DET1: variants seen among roughly 807,000 people sequenced by gnomAD.
The protein encoded by DET1 is DET1 partner of COP1 E3 ubiquitin ligase, also known as DET1 homolog.
A neutral mutation model predicts 43.7 loss-of-function variants in DET1; 22 were observed. The observed-to-expected ratio is 0.50, with a 90% confidence interval of 0.36 to 0.72. The LOEUF (loss-of-function observed/expected upper bound fraction) is 0.72, where lower values mean the gene tolerates loss of function less well. Ranked by LOEUF, DET1 falls within the 30% of genes least tolerant of loss-of-function variation. The probability of loss-of-function intolerance (pLI) is 0.00; values close to 1 mark genes in which losing one functional copy is unlikely to be tolerated. For missense variants in DET1, 713 were observed against 713.3 expected (o/e 1.00, Z 0.00); for synonymous variants, 315 against 266.2 (o/e 1.18, Z -1.79).
chr15:88,509,656 A>C (rs1220372226), downstream of DET1, among the ~76,000 whole-genome samples: 1 of 152,226 alleles, frequency 6.6e-6, no homozygotes, highest in Admixed American at 6.5e-5. Context: ...GGTGACAGCT[A>C]TGAAGATGCT....
chr15:88,529,674 T>A (rs1425606997), intron 2 of DET1, among the ~76,000 whole-genome samples: 1 of 152,208 alleles, frequency 6.6e-6, no homozygotes, highest in Admixed American at 6.5e-5. Flanking sequence ...CCAAACTCAG[T>A]TGACTTCGTG....
intron 1 of DET1, among the ~76,000 whole-genome samples, chr15:88,534,784 A>G (rs1474894455): frequency 6.6e-6 from 1 of 152,252 alleles, no homozygotes; most frequent in Non-Finnish European, 1.5e-5. Context: ...AGAGTTACAA[A>G]TTGCAAATTC....
At chr15:88,523,564 C>G (rs1221630844) in intron 3 of DET1, among the ~76,000 whole-genome samples, 2 of 152,300 alleles carry the variant, frequency 1.3e-5, no homozygotes, top group Non-Finnish European at 2.9e-5. Flanking sequence ...CTCAGTCTAC[C>G]GAGTGCCTGG....
At position 88,531,489 on chromosome 15, in the gene DET1, T is replaced by A. The variant is rs1381657636; in HGVS notation, c.217A>T (p.Ile73Phe). ...GATGTCTGGTCTGAAGAAAAAGCAA[T>A]AAAGTAGCGTCCATCAGGTGAGAAT... The part of the protein sequence containing the change: ...RKFSPDGRYF[I>F]AFSSDQTSLE... The change falls in exon 2 of 5, where the codon ATT (isoleucine) becomes TTT (phenylalanine). Residue 73 changes from isoleucine (I) to phenylalanine (F), a missense_variant. Transcript: ENST00000268148. The surrounding 1 kb of genome is among the most constrained non-coding windows in gnomAD (Gnocchi z 6.2). The A allele has an allele frequency of 6.2e-7, 1 of 1,613,802 alleles. No homozygotes were observed. Among genetic ancestry groups the A allele is most frequent in the African/African-American group, 1.3e-5 (1 of 74,876 alleles).
intron 1 of DET1, among the ~76,000 whole-genome samples, chr15:88,544,873 C>T (rs1240928113): frequency 3.9e-5 from 6 of 152,166 alleles, no homozygotes; most frequent in Non-Finnish European, 8.8e-5. Flanking sequence ...CCAAAGCCAG[C>T]CTGTACCCAC....
chr15:88,515,708 A>C (rs2056327759), intron 4 of DET1, among the ~76,000 whole-genome samples: 1 of 152,020 alleles, frequency 6.6e-6, no homozygotes, highest in African/African-American at 2.4e-5. Flanking sequence ...TTTTTTGTTA[A>C]TTTTTTAAAG....
chr15:88,540,773 G>A (rs2057085965), intron 1 of DET1, among the ~76,000 whole-genome samples: 1 of 142,822 alleles, frequency 7.0e-6, no homozygotes, highest in Non-Finnish European at 1.5e-5. Context: ...TTAAACAGAT[G>A]CTTGAGGGCA....
At chr15:88,501,928 T>C (rs1326812086) in intron 8 of DET1, 2 of 152,204 alleles carry the variant, frequency 1.3e-5, no homozygotes, top group African/African-American at 2.4e-5. Context: ...GTTTTTGTTG[T>C]TGTTGCTTTT....
rs1208121882 is a variant in DET1, at chr15:88,531,352, G to T, written c.354C>A (p.Gly118=). Residue 118 remains glycine (G), a synonymous_variant, in exon 2 of 5, where the codon GGC becomes GGA. Coordinates refer to ENST00000268148, the MANE Select transcript of DET1 (RefSeq NM_001144074.3). The surrounding 1 kb of genome is among the most constrained non-coding windows in gnomAD (Gnocchi z 6.2). ...GNDQRSVNIR[G]RLFERFFVLL... is the part of the protein sequence containing the mutation. ...GGACAAAAAAGCGTTCAAAGAGCCGGCCCCGGATATTCACTGACCGCTGGT... is the reference window on the plus strand; with the variant it reads ...GGACAAAAAAGCGTTCAAAGAGCCGTCCCCGGATATTCACTGACCGCTGGT... The T allele has an allele frequency of 6.2e-7, 1 of 1,614,002 alleles. No homozygotes were observed. The highest frequency in any genetic ancestry group is 1.3e-5 in the African/African-American group (1 of 75,036).
Position 88,531,676 on chromosome 15 carries a change from A to C in DET1, c.30T>G (p.Pro10=). Residue 10 remains proline (P), a synonymous_variant, in exon 2 of 5, where the codon CCT becomes CCG. Transcript: ENST00000268148. This position sits in a 1 kb window ranked among gnomAD's most constrained non-coding sequence, Gnocchi z 6.2. MDHHVSTIK[P]RRIQNQNVIH... is the part of the protein sequence containing the mutation. The stretch of plus-strand genomic sequence containing the variant: ...TGACATTTTGGTTTTGGATTCTTCG[A>C]GGCTTGATGGTAGAAACATGATGAT... 6.2e-7 allele frequency: 1 copy of C among 1,610,912 alleles called. No homozygotes were observed.
chr15:88,535,657 G>A (rs1203194035), intron 1 of DET1, among the ~76,000 whole-genome samples: 1 of 152,110 alleles, frequency 6.6e-6, no homozygotes, highest in Non-Finnish European at 1.5e-5. Flanking sequence ...TCAGGAGGCT[G>A]AGGTGGGAGG....
At chr15:88,532,741 C>T (rs1447613471) in intron 1 of DET1, among the ~76,000 whole-genome samples, 1 of 152,080 alleles carries the variant, frequency 6.6e-6, no homozygotes, top group Admixed American at 6.5e-5. Flanking sequence ...TAGCCACATG[C>T]AAAAGAATGA....
intron 3 of DET1, among the ~76,000 whole-genome samples, chr15:88,527,146 C>T (rs1427719431): frequency 1.3e-5 from 2 of 152,156 alleles, no homozygotes. Flanking sequence ...TTTGTTCTTA[C>T]AGAACAAAGA....
At chr15:88,538,365 G>A (rs960632272) in intron 1 of DET1, among the ~76,000 whole-genome samples, 22 of 150,932 alleles carry the variant, frequency 1.5e-4, no homozygotes, top group Admixed American at 5.3e-4. Context: ...AAAGCCCCAC[G>A]TCTATCACCT....
chr15:88,534,676 G>T (rs61226890), intron 1 of DET1, among the ~76,000 whole-genome samples: 23,367 of 152,140 alleles, frequency 0.15, 1,902 homozygotes, highest in South Asian at 0.28. Flanking sequence ...CACCCAGATT[G>T]CAGACTGGCC....
intron 3 of DET1, among the ~76,000 whole-genome samples, chr15:88,523,699 C>T (rs998682691): frequency 2.0e-5 from 3 of 152,150 alleles, no homozygotes; most frequent in Non-Finnish European, 4.4e-5. Flanking sequence ...CCTCGGCCTC[C>T]CGAGGTGCTG....
In DET1 at chr15:88,530,638, G is replaced by C. The variant is rs1220352282; in HGVS notation, c.1068C>G (p.Val356=). The change falls in exon 2 of 5, where the codon GTC becomes GTG. Residue 356 remains valine (V), a synonymous_variant. Coordinates refer to ENST00000268148, the MANE Select transcript of DET1 (RefSeq NM_001144074.3). ...YTSEDVVTLR[V]TDPSQASFFV... ...TACCTCATACCTGTGATGGATCTGT[G>C]ACTCGCAGTGTTACTACATCCTCAC... is the stretch of plus-strand genomic sequence containing the variant. 1 of 1,606,766 alleles carries C rather than the reference G, an allele frequency of 6.2e-7. No homozygotes were observed. Among genetic ancestry groups the C allele is most frequent in the Non-Finnish European group, 8.5e-7 (1 of 1,175,906 alleles).
At chr15:88,503,584 C>T (rs528970855) in intron 8 of DET1, 1 of 152,286 alleles carries the variant, frequency 6.6e-6, no homozygotes, top group East Asian at 1.9e-4. Context: ...GTTTCCTTAT[C>T]TACAAAATAG....
At chr15:88,532,157 G>C (rs1279407545) in intron 1 of DET1, among the ~76,000 whole-genome samples, 3 of 152,226 alleles carry the variant, frequency 2.0e-5, no homozygotes, top group Non-Finnish European at 4.4e-5. Context: ...ATAAAAATTA[G>C]CTAGGCATGG....
Sources: gnomAD v4.1 joint callset for allele counts (sites outside exome capture counted in the v4.1 genomes callset) on GRCh38, gnomAD v4.1.1 for gene constraint, Gnocchi (gnomAD v3.1) non-coding constraint, MANE v1.5 for transcripts, NCBI Gene and HGNC (gene_info 2026-07-23, HGNC 2026-07-21) for gene names.